The following TAF6L variants were observed in gnomAD, a reference collection of about 807,000 sequenced individuals.
The protein encoded by TAF6L is TAF6-like RNA polymerase II p300/CBP-associated factor-associated factor 65 kDa subunit 6L.
A neutral mutation model predicts 57.3 loss-of-function variants in TAF6L; 34 were observed. That is an observed-to-expected ratio of 0.59 (90% CI 0.45 to 0.79). The LOEUF (loss-of-function observed/expected upper bound fraction) is 0.79. Ranked by LOEUF, TAF6L falls within the 30% of genes least tolerant of loss-of-function variation. The pLI is 0.00. For synonymous variants in TAF6L, 417 were observed against 376.3 expected (o/e 1.11, Z -1.25); for missense variants, 782 against 853.2 (o/e 0.92, Z 1.04).
chr11:62,773,283 G>C (rs1359569880), intron 1 of TAF6L, among the ~76,000 whole-genome samples: 2 of 151,824 alleles, frequency 1.3e-5, no homozygotes, highest in African/African-American at 4.8e-5. Context: ...GAGTAGCTGG[G>C]ACTACAGGCG....
Position 62,781,914 on chromosome 11 carries a change from G to A in TAF6L, c.552G>A (p.Gln184=), listed in dbSNP as rs1245693717. Residue 184 remains glutamine (Q), a synonymous_variant, in exon 7 of 11, where the codon CAG becomes CAA. Transcript: ENST00000294168. ...TTTAGGTTGCACTCCAGGACTTGCA[G>A]ACGAACTCCAAGATTGGGGCACTCC... The part of the protein sequence containing the change: ...QLMKVALQDL[Q]TNSKIGALLP... 1.9e-6 allele frequency: 3 copies of A among 1,614,184 alleles called. No homozygotes were observed. Among genetic ancestry groups the A allele is most frequent in the Non-Finnish European group, 1.7e-6 (2 of 1,180,050 alleles).
intron 1 of TAF6L, chr11:62,774,486 T>C (rs575448718): frequency 2.0e-4 from 85 of 435,434 alleles, no homozygotes; most frequent in African/African-American, 1.5e-3. Flanking sequence ...TGGTGACCCA[T>C]TGATCCCCTG....
intron 9 of TAF6L, 38 bp from the exon 10 acceptor site, chr11:62,786,222 C>CA: frequency 6.3e-7 from 1 of 1,590,562 alleles, no homozygotes; most frequent in South Asian, 1.1e-5. Context: ...GAATAAGTAT[C>CA]AAAGACATGC....
intron 9 of TAF6L, among the ~76,000 whole-genome samples, chr11:62,785,532 T>C (rs2134725565): frequency 6.8e-6 from 1 of 146,974 alleles, no homozygotes; most frequent in East Asian, 2.1e-4. Context: ...TTCCTTATAG[T>C]TAATTCTTTT....
At position 62,782,840 on chromosome 11, in the gene TAF6L, C is replaced by G. The variant is rs2084240592; in HGVS notation, c.960+15C>G. The stretch of plus-strand genomic sequence containing the variant: ...TTGGCTGGAAGGTGAGCACCCTGGC[C>G]TTTCTCACACAGCCGTAAGAACTCC... On this transcript the variant is annotated intron_variant, in intron 9 of 10. Coordinates refer to ENST00000294168, the MANE Select transcript of TAF6L (RefSeq NM_006473.4). The G allele has an allele frequency of 6.2e-7, 1 of 1,613,330 alleles. No individual in the cohort carries two copies. The highest frequency in any genetic ancestry group is 2.2e-5 in the East Asian group (1 of 44,862).
chr11:62,787,245 C>T lies in TAF6L; in HGVS notation c.1818C>T (p.Arg606=), dbSNP rs906913704. The part of the protein sequence containing the change: ...QKLPMIGRTS[R]PARRWALSDY... The stretch of plus-strand genomic sequence containing the variant: ...TGCCCATGATCGGCCGTACCAGCCG[C>T]CCCGCCCGCCGGTGGGCGCTCTCGG... Residue 606 remains arginine (R), a synonymous_variant, in exon 11 of 11, where the codon CGC becomes CGT. Transcript: ENST00000294168. The T allele has an allele frequency of 3.2e-6, 5 of 1,568,472 alleles. No individual in the cohort carries two copies. The highest frequency in any genetic ancestry group is 3.4e-6 in the Non-Finnish European group (4 of 1,165,166).
chr11:62,774,244 T>C (rs2084169543), intron 1 of TAF6L, among the ~76,000 whole-genome samples: 1 of 152,012 alleles, frequency 6.6e-6, no homozygotes. Flanking sequence ...GCCCAGCTAA[T>C]TTTTTGTATT....
In TAF6L at chr11:62,781,939, C is replaced by G. The variant is rs892618951; in HGVS notation, c.577C>G (p.Leu193Val). 6.2e-6 allele frequency: 10 copies of G among 1,614,024 alleles called. No individual in the cohort carries two copies. Among genetic ancestry groups the G allele is most frequent in the Admixed American group, 1.7e-5 (1 of 59,978 alleles). ...LQTNSKIGALLPYFVYVVSGV... is the reference protein window; with the variant it reads ...LQTNSKIGALVPYFVYVVSGV... ...GACGAACTCCAAGATTGGGGCACTCCTGCCTTACTTTGTTTATGTGGTCAG... is the reference window on the plus strand; with the variant it reads ...GACGAACTCCAAGATTGGGGCACTCGTGCCTTACTTTGTTTATGTGGTCAG... The change falls in exon 7 of 11, where the codon CTG becomes GTG. Residue 193 changes from leucine (L) to valine (V), a missense_variant. Transcript: ENST00000294168.
intron 1 of TAF6L, among the ~76,000 whole-genome samples, chr11:62,773,785 G>T (rs2084166816): frequency 6.6e-6 from 1 of 152,192 alleles, no homozygotes; most frequent in South Asian, 2.1e-4. Context: ...AGAATGCAAG[G>T]ACATTGGAGG....
intron 6 of TAF6L, among the ~76,000 whole-genome samples, chr11:62,779,976 A>ATTTTTTTTTT (rs1277954265): frequency 1.4e-3 from 73 of 52,600 alleles, no homozygotes; most frequent in East Asian, 4.1e-3. Context: ...ATATATATAT[A>ATTTTTTTTTT]TTTTTTTTTT....
chr11:62,783,419 T>C (rs1451534830), intron 9 of TAF6L, among the ~76,000 whole-genome samples: 1 of 151,660 alleles, frequency 6.6e-6, no homozygotes, highest in Non-Finnish European at 1.5e-5. Context: ...GAGGCGGAGC[T>C]TGCAGTGAGC....
At chr11:62,778,577 T>C (rs573309827) in intron 5 of TAF6L, 28 of 621,432 alleles carry the variant, frequency 4.5e-5, no homozygotes, top group African/African-American at 4.4e-4. Context: ...GGCAGCATGC[T>C]GGGGCGGTGT....
At chr11:62,784,599 C>A (rs2084256910) in intron 9 of TAF6L, among the ~76,000 whole-genome samples, 1 of 152,164 alleles carries the variant, frequency 6.6e-6, no homozygotes, top group African/African-American at 2.4e-5. Context: ...AGCCACCGTG[C>A]CTGGCCTATA....
intron 1 of TAF6L, chr11:62,774,617 G>A: frequency 2.2e-6 from 1 of 455,136 alleles, no homozygotes; most frequent in Non-Finnish European, 4.4e-6. Context: ...TGCGTTGTTG[G>A]AGTGAGTCAT....
At chr11:62,771,711 TC>T (rs1221219005) in intron 1 of TAF6L, 5 of 190,766 alleles carry the variant, frequency 2.6e-5, no homozygotes, top group Non-Finnish European at 4.5e-5. Flanking sequence ...CCCGCGGAGG[TC>T]AGTTCCCACG....
intron 2 of TAF6L, 48 bp from the exon 3 acceptor site, chr11:62,776,336 C>T: frequency 6.3e-7 from 1 of 1,596,546 alleles, no homozygotes; most frequent in Admixed American, 1.7e-5. Flanking sequence ...TTTCCCATGC[C>T]CCCTGCTTCA....
chr11:62,787,143 C>A lies in TAF6L; in HGVS notation c.1716C>A (p.Arg572=). ...TAGCCGGGCGGCAGGCTGGGAGGCGCTGCCGCGGGCGCCTTTTCCAGACTG... is the reference window on the plus strand; with the variant it reads ...TAGCCGGGCGGCAGGCTGGGAGGCGATGCCGCGGGCGCCTTTTCCAGACTG... ...FIIAGRQAGR[R]CRGRLFQTAF... The change falls in exon 11 of 11, where the codon CGC becomes CGA. Residue 572 remains arginine (R), a synonymous_variant. Coordinates refer to ENST00000294168, the MANE Select transcript of TAF6L (RefSeq NM_006473.4). 6.4e-7 allele frequency: 1 copy of A among 1,567,820 alleles called. No individual in the cohort carries two copies. Among genetic ancestry groups the A allele is most frequent in the Non-Finnish European group, 8.6e-7 (1 of 1,166,096 alleles).
At chr11:62,781,489 C>T (rs917919938) in intron 6 of TAF6L, among the ~76,000 whole-genome samples, 13 of 151,664 alleles carry the variant, frequency 8.6e-5, no homozygotes, top group African/African-American at 2.7e-4. Context: ...CTGGCTAACA[C>T]GGTGAAACCC....
rs1464172940 is a variant in TAF6L at position 62,775,811 on chromosome 11, G to A, written c.28G>A (p.Val10Met). 1.9e-6 allele frequency: 3 copies of A among 1,611,904 alleles called. No homozygotes were observed. Among genetic ancestry groups the A allele is most frequent in the East Asian group, 2.2e-5 (1 of 44,892 alleles). ...GTCAGAGCGAGAAGAGCGGCGGTTT[G>A]TGGAGATCCCTCGGGAGTCTGTCCG... MSEREERRF[V>M]EIPRESVRLM... The change falls in exon 2 of 11, where the codon GTG (valine) becomes ATG (methionine). Residue 10 changes from valine to methionine, a missense_variant. Around this residue, in one of 3 missense-constraint regions of TAF6L, gnomAD observed 220 missense variants for 252.1 expected, o/e 0.87. Coordinates refer to ENST00000294168, the MANE Select transcript of TAF6L (RefSeq NM_006473.4).
Sources: gnomAD v4.1 joint callset for allele counts (sites outside exome capture counted in the v4.1 genomes callset) on GRCh38, gnomAD v4.1.1 for gene constraint, gnomAD v4.1.1 regional missense constraint, MANE v1.5 for transcripts, NCBI Gene and HGNC (gene_info 2026-07-23, HGNC 2026-07-21) for gene names.